Variants in CADM2 observed in about 807,000 individuals in gnomAD.
The protein encoded by CADM2 is immunoglobulin superfamily member 4D.
A neutral mutation model predicts 49.8 loss-of-function variants in CADM2; 12 were observed. The ratio of observed to expected loss-of-function variants is 0.24; its 90% CI spans 0.15 to 0.39. The LOEUF (loss-of-function observed/expected upper bound fraction) is 0.39. Among genes scored for constraint, CADM2 ranks in the 10% least tolerant of loss-of-function variants. The pLI is 1.00. For missense variants in CADM2, 378 were observed against 492.3 expected (o/e 0.77, Z 2.20); for synonymous variants, 214 against 175.4 (o/e 1.22, Z -1.74).
At chr3:85,845,040 A>G (rs2074812234) in intron 3 of CADM2, among the ~76,000 whole-genome samples, 1 of 151,252 alleles carries the variant, frequency 6.6e-6, no homozygotes. Flanking sequence ...ATGTAGTCCT[A>G]GCTACTTGGG....
chr3:85,621,735 C>T (rs1213108913), intron 1 of CADM2, among the ~76,000 whole-genome samples: 4 of 152,070 alleles, frequency 2.6e-5, no homozygotes, highest in South Asian at 2.1e-4. Context: ...AATGAACACA[C>T]GGTTTTCAGA....
intron 1 of CADM2, among the ~76,000 whole-genome samples, chr3:85,619,531 C>T (rs2063907290): frequency 6.6e-6 from 1 of 152,058 alleles, no homozygotes; most frequent in South Asian, 2.1e-4. Context: ...CTTCCACTTG[C>T]TACCATATGT....
intron 1 of CADM2, among the ~76,000 whole-genome samples, chr3:85,479,716 CAG>C (rs2039130283): frequency 6.6e-6 from 1 of 151,912 alleles, no homozygotes; most frequent in Non-Finnish European, 1.5e-5. Context: ...ATCTTTATAA[CAG>C]ATCTGCCCTA....
Position 85,088,045 on chromosome 3 carries a change from AAAAC to A in CADM2, c.61+128381_61+128384del, listed in dbSNP as rs372386427. ...TGTTCAAGGATGATTATTTCATAAT[AAAAC>A]AAAAGCCTGAGGACTGAATAGATGA... On this transcript the variant is annotated intron_variant, in intron 1 of 9. Transcript: ENST00000383699. Among the ~76,000 whole-genome samples, 576 of 152,328 alleles carry A rather than the reference AAAAC, an allele frequency of 3.8e-3. 2 individuals carry two copies. Among genetic ancestry groups the A allele is most frequent in the African/African-American group, 0.013 (560 of 41,574 alleles).
intron 1 of CADM2, among the ~76,000 whole-genome samples, chr3:85,354,621 A>AGAGAGAGAGAGAGAG (rs1464654912): frequency 2.7e-5 from 4 of 150,208 alleles, no homozygotes; most frequent in African/African-American, 9.9e-5. Context: ...TACCTAACAG[A>AGAGAGAGAGAGAGAG]GAGAGAGAGA....
At chr3:85,366,205 AGT>A (rs1246386302) in intron 1 of CADM2, among the ~76,000 whole-genome samples, 1 of 152,164 alleles carries the variant, frequency 6.6e-6, no homozygotes, top group Non-Finnish European at 1.5e-5. Flanking sequence ...ATAGCCACAG[AGT>A]GTCTTTTGAA....
intron 1 of CADM2, among the ~76,000 whole-genome samples, chr3:85,649,030 G>C (rs1465059147): frequency 6.6e-6 from 1 of 151,990 alleles, no homozygotes; most frequent in Non-Finnish European, 1.5e-5. Flanking sequence ...AAGTTAACCA[G>C]ACTGGGTGAA....
chr3:85,945,268 A>G (rs986832246), intron 7 of CADM2, among the ~76,000 whole-genome samples: 1 of 152,138 alleles, frequency 6.6e-6, no homozygotes, highest in Non-Finnish European at 1.5e-5. Context: ...ACAGGCTCTG[A>G]AATTGAGGCA....
intron 1 of CADM2, among the ~76,000 whole-genome samples, chr3:85,626,220 G>A (rs867543481): frequency 6.6e-6 from 1 of 151,906 alleles, no homozygotes; most frequent in Non-Finnish European, 1.5e-5. Context: ...GTAAGAAAGG[G>A]AAATGATTAA....
rs143456119 is a variant in CADM2, at chr3:85,301,995, T to A, written c.61+342327T>A. 9.7e-4 allele frequency among the ~76,000 whole-genome samples: 148 copies of A among 152,210 alleles called. No homozygotes were observed. In the East Asian group the frequency reaches 0.017, roughly 17 times the overall value. ...GTAAAATCCTTGCTTCCTTTCAATTTAAGTGGTTTCTTAGAATGTTTTGCT... is the reference window on the plus strand; with the variant it reads ...GTAAAATCCTTGCTTCCTTTCAATTAAAGTGGTTTCTTAGAATGTTTTGCT... On this transcript the variant is annotated intron_variant, in intron 1 of 9. Transcript: ENST00000383699.
chr3:85,703,638 C>G (rs1454405269), intron 1 of CADM2, among the ~76,000 whole-genome samples: 1 of 151,808 alleles, frequency 6.6e-6, no homozygotes, highest in South Asian at 2.1e-4. Flanking sequence ...GTTTTATTGC[C>G]CAATTAATTA....
chr3:85,458,273 A>C (rs557268200), intron 1 of CADM2, among the ~76,000 whole-genome samples: 2 of 152,310 alleles, frequency 1.3e-5, no homozygotes, highest in South Asian at 4.1e-4. Context: ...AATGCCTTAC[A>C]CCATGCCCTG....
intron 3 of CADM2, among the ~76,000 whole-genome samples, chr3:85,841,696 A>T (rs1411784362): frequency 6.6e-6 from 1 of 152,012 alleles, no homozygotes; most frequent in Non-Finnish European, 1.5e-5. Flanking sequence ...CAAAAAACAT[A>T]TTTCTTTGGA....
intron 1 of CADM2, among the ~76,000 whole-genome samples, chr3:85,519,560 T>C (rs1020886775): frequency 6.6e-5 from 10 of 152,158 alleles, no homozygotes; most frequent in African/African-American, 2.4e-4. Context: ...CAATATCGTA[T>C]GGCTTATATT....
intron 1 of CADM2, among the ~76,000 whole-genome samples, chr3:85,128,924 C>T (rs939194584): frequency 3.9e-5 from 6 of 152,162 alleles, no homozygotes; most frequent in Non-Finnish European, 5.9e-5. Context: ...GTATTTGTCA[C>T]AACACACACA....
At chr3:85,888,887 G>A (rs1158247087) in intron 5 of CADM2, among the ~76,000 whole-genome samples, 2 of 151,968 alleles carry the variant, frequency 1.3e-5, no homozygotes, top group African/African-American at 4.8e-5. Context: ...TCTTTTTAGG[G>A]ATAAAAGTTT....
chr3:85,336,715 T>A (rs2045087250), intron 1 of CADM2, among the ~76,000 whole-genome samples: 1 of 150,424 alleles, frequency 6.6e-6, no homozygotes, highest in South Asian at 2.1e-4. Flanking sequence ...AATATAAAAT[T>A]TTTCATGTTT....
chr3:85,485,186 G>GGAATC (rs1387866047), intron 1 of CADM2, among the ~76,000 whole-genome samples: 1 of 151,492 alleles, frequency 6.6e-6, no homozygotes, highest in Non-Finnish European at 1.5e-5. Context: ...TACACAACAA[G>GGAATC]GAATCAGACA....
intron 1 of CADM2, among the ~76,000 whole-genome samples, chr3:85,381,513 GTA>G (rs527257804): frequency 6.8e-6 from 1 of 146,646 alleles, no homozygotes. Flanking sequence ...TATATATAAA[GTA>G]TATATATATA....
Sources: allele counts gnomAD v4.1 joint callset (sites outside exome capture counted in the v4.1 genomes callset), GRCh38; gene constraint gnomAD v4.1.1; transcripts MANE v1.5; gene names NCBI Gene and HGNC (gene_info 2026-07-23, HGNC 2026-07-21).